ATF7IP: variants seen among roughly 807,000 people sequenced by gnomAD.
The protein encoded by ATF7IP is activating transcription factor 7-interacting protein 1.
In ATF7IP, 23 loss-of-function variants were observed where a neutral mutation model predicts 106.4. The observed-to-expected ratio is 0.22, with a 90% CI of 0.16 to 0.31. The LOEUF is 0.31. Among genes scored for constraint, ATF7IP ranks in the 10% least tolerant of loss-of-function variants. The pLI is 1.00. For missense variants in ATF7IP, 1,334 were observed against 1,524.3 expected (o/e 0.88, Z 2.08); for synonymous variants, 542 against 539.0 (o/e 1.01, Z -0.08).
At chr12:14,397,112 A>G (rs1939893406) in intron 1 of ATF7IP, among the ~76,000 whole-genome samples, 2 of 152,194 alleles carry the variant, frequency 1.3e-5, no homozygotes, top group Admixed American at 6.5e-5. Flanking sequence ...CAGTAAGCCA[A>G]GATCGCACCA....
intron 1 of ATF7IP, among the ~76,000 whole-genome samples, chr12:14,398,348 C>T (rs1939968415): frequency 1.3e-5 from 2 of 148,956 alleles, no homozygotes; most frequent in South Asian, 2.1e-4. Context: ...TTTAATACTT[C>T]GTTGGTATTT....
At chr12:14,452,892 A>G (rs1023527112) in intron 6 of ATF7IP, among the ~76,000 whole-genome samples, 5 of 152,142 alleles carry the variant, frequency 3.3e-5, no homozygotes, top group Admixed American at 6.5e-5. Flanking sequence ...TAGGACAGGT[A>G]TAGTGATGAA....
At chr12:14,400,493 A>G (rs1940131989) in intron 1 of ATF7IP, among the ~76,000 whole-genome samples, 1 of 152,138 alleles carries the variant, frequency 6.6e-6, no homozygotes, top group East Asian at 1.9e-4. Flanking sequence ...TTAAAAAGGT[A>G]TGTCTGGTCC....
At chr12:14,386,196 A>G (rs1056957579) in intron 1 of ATF7IP, among the ~76,000 whole-genome samples, 4 of 152,172 alleles carry the variant, frequency 2.6e-5, no homozygotes, top group African/African-American at 4.8e-5. Context: ...AAAGAAATAT[A>G]GCTCAATGAT....
At chr12:14,481,464 G>T in intron 13 of ATF7IP, 2 of 502,450 alleles carry the variant, frequency 4.0e-6, no homozygotes. Context: ...ATGTCAGCTA[G>T]ATTTAGCCAT....
intron 8 of ATF7IP, 122 bp from the exon 9 acceptor site, chr12:14,460,373 A>T: frequency 1.0e-6 from 1 of 986,262 alleles, no homozygotes; most frequent in Non-Finnish European, 1.4e-6. Flanking sequence ...AAATTTCATG[A>T]TAAAAGACTT....
At chr12:14,385,499 G>T in intron 1 of ATF7IP, 2 of 1,161,960 alleles carry the variant, frequency 1.7e-6, no homozygotes, top group Admixed American at 2.5e-5. Flanking sequence ...CTTAGAGCTT[G>T]GTTTTTAAAA....
intron 1 of ATF7IP, among the ~76,000 whole-genome samples, chr12:14,371,771 C>T (rs995053885): frequency 1.3e-5 from 2 of 151,980 alleles, no homozygotes; most frequent in Non-Finnish European, 2.9e-5. Context: ...TAACCTATTT[C>T]AGAAGGGAAA....
intron 1 of ATF7IP, among the ~76,000 whole-genome samples, chr12:14,422,560 T>C (rs533193992): frequency 6.6e-6 from 1 of 152,312 alleles, no homozygotes; most frequent in Non-Finnish European, 1.5e-5. Flanking sequence ...CCTCATTTTC[T>C]CCAGAATCTT....
At chr12:14,494,321 ATATATATATATATG>A (rs1421120496) in intron 13 of ATF7IP, among the ~76,000 whole-genome samples, 1 of 92,912 alleles carries the variant, frequency 1.1e-5, no homozygotes. Context: ...ATATATATAT[ATATATATATATATG>A]TGTGTGTGTA....
chr12:14,406,661 A>G (rs912381515), intron 1 of ATF7IP, among the ~76,000 whole-genome samples: 1 of 143,984 alleles, frequency 6.9e-6, no homozygotes, highest in Admixed American at 6.9e-5. Flanking sequence ...AACAGTATTT[A>G]TGGGTTTTTT....
At chr12:14,389,614 T>C (rs1939433693) in intron 1 of ATF7IP, among the ~76,000 whole-genome samples, 1 of 152,174 alleles carries the variant, frequency 6.6e-6, no homozygotes, top group African/African-American at 2.4e-5. Flanking sequence ...CCCATTTCTC[T>C]AATTGTTTGT....
At chr12:14,454,322 G>C (rs980170001) in intron 6 of ATF7IP, among the ~76,000 whole-genome samples, 1 of 152,132 alleles carries the variant, frequency 6.6e-6, no homozygotes, top group African/African-American at 2.4e-5. Flanking sequence ...TGCTTCCCCT[G>C]CTGTCTGTCT....
chr12:14,496,001 G>A (rs771479112), intron 13 of ATF7IP, among the ~76,000 whole-genome samples: 4 of 152,146 alleles, frequency 2.6e-5, no homozygotes, highest in Admixed American at 6.5e-5. Context: ...ATTTGAGAAA[G>A]GGTTTGTGGT....
intron 1 of ATF7IP, among the ~76,000 whole-genome samples, chr12:14,412,067 TA>T (rs1036965356): frequency 6.6e-6 from 1 of 152,202 alleles, no homozygotes; most frequent in Non-Finnish European, 1.5e-5. Context: ...AATGGTCTTG[TA>T]ACCCTTGTCT....
chr12:14,475,913 T>A lies in ATF7IP; in HGVS notation c.2886T>A (p.Asp962Glu), dbSNP rs1944247625. The A allele has an allele frequency of 1.2e-6, 2 of 1,613,386 alleles. No individual in the cohort carries two copies. Among genetic ancestry groups the A allele is most frequent in the South Asian group, 2.2e-5 (2 of 90,906 alleles). Residue 962 changes from aspartate (D) to glutamate (E), a missense_variant, in exon 11 of 15, where the codon GAT becomes GAA. By Grantham distance (45) the Asp-to-Glu change is conservative (BLOSUM62 2). This residue lies in a region of ATF7IP where 370 missense variants were observed against 401.2 expected (regional missense o/e 0.92). Coordinates refer to ENST00000261168, the MANE Select transcript of ATF7IP (RefSeq NM_018179.5). ...AGTGTGGAAAAGCCACTGGCAGTGA[T>A]TCAAGTGGTGTCATTGATCTCACAA... The part of the protein sequence containing the change: ...TSQCGKATGS[D>E]SSGVIDLTMD...
intron 1 of ATF7IP, among the ~76,000 whole-genome samples, chr12:14,392,138 A>G (rs1481502928): frequency 6.6e-6 from 1 of 152,224 alleles, no homozygotes; most frequent in Non-Finnish European, 1.5e-5. Flanking sequence ...GGTTTAAATG[A>G]GGATAACAAA....
chr12:14,443,460 T>C (rs1035124403), intron 5 of ATF7IP, among the ~76,000 whole-genome samples: 3 of 152,220 alleles, frequency 2.0e-5, no homozygotes, highest in African/African-American at 4.8e-5. Flanking sequence ...TTAACAATTA[T>C]ACGTTACTCT....
At chr12:14,370,151 G>A (rs1370064104) in intron 1 of ATF7IP, among the ~76,000 whole-genome samples, 2 of 152,088 alleles carry the variant, frequency 1.3e-5, no homozygotes, top group African/African-American at 4.8e-5. Context: ...TGGTCAGGCT[G>A]GCTCGAACTT....
Sources: allele counts gnomAD v4.1 joint callset (sites outside exome capture counted in the v4.1 genomes callset), GRCh38; gene constraint gnomAD v4.1.1; regional missense constraint gnomAD v4.1.1; transcripts MANE v1.5; gene names NCBI Gene and HGNC (gene_info 2026-07-23, HGNC 2026-07-21).